The following AFAP1 variants were observed in gnomAD, a reference collection of about 807,000 sequenced individuals.
AFAP1 encodes actin filament-associated protein 1.
AFAP1 carries 75 observed loss-of-function variants against 93.9 expected under a neutral mutation model. The ratio of observed to expected loss-of-function variants is 0.80; its 90% confidence interval spans 0.66 to 0.97. The LOEUF (loss-of-function observed/expected upper bound fraction) is 0.97. Among genes scored for constraint, AFAP1 ranks in the 50% least tolerant of loss-of-function variants. AFAP1 has a pLI of 0.00. For synonymous variants in AFAP1, 517 were observed against 430.7 expected, an observed-to-expected ratio of 1.20 and a Z score of -2.48; for missense variants, 1,201 against 1,050.8, an observed-to-expected ratio of 1.14 and a Z score of -1.98.
intron 1 of AFAP1, among the ~76,000 whole-genome samples, chr4:7,891,571 A>C (rs1034656685): frequency 3.2e-4 from 48 of 152,122 alleles, no homozygotes; most frequent in African/African-American, 1.1e-3. Context: ...TCTGTTTTTC[A>C]TAAGGAAGAC....
intron 9 of AFAP1, among the ~76,000 whole-genome samples, chr4:7,807,109 G>A (rs1000948380): frequency 1.3e-5 from 2 of 152,152 alleles, no homozygotes; most frequent in East Asian, 3.8e-4. Context: ...GTAAATGGAC[G>A]GGTTTGGGCC....
chr4:7,809,806 G>A, intron 8 of AFAP1, 43 bp from the exon 9 acceptor site: 2 of 1,560,710 alleles, frequency 1.3e-6, no homozygotes, highest in Non-Finnish European at 1.7e-6. Flanking sequence ...TTTAATTGTA[G>A]ATATTAATTG....
intron 10 of AFAP1, chr4:7,798,931 A>G (rs370190029): frequency 1.0e-6 from 1 of 986,674 alleles, no homozygotes; most frequent in African/African-American, 1.7e-5. Flanking sequence ...TCTCCTTGCA[A>G]CCCTTCTCAG....
At chr4:7,912,162 C>T (rs186274064) in intron 1 of AFAP1, among the ~76,000 whole-genome samples, 4 of 152,250 alleles carry the variant, frequency 2.6e-5, no homozygotes, top group South Asian at 2.1e-4. Context: ...AAGTGGTATC[C>T]GGGACCTGGG....
chr4:7,923,642 C>G (rs1720555760), intron 1 of AFAP1, among the ~76,000 whole-genome samples: 2 of 152,240 alleles, frequency 1.3e-5, no homozygotes, highest in Admixed American at 1.3e-4. Flanking sequence ...CCACGCCCAA[C>G]TAATTTTTGT....
chr4:7,768,953 G>GTGTCACAGC lies in AFAP1; in HGVS notation c.2300_2308dup (p.Ser767_Asp769dup). 1 of 1,613,888 alleles carries GTGTCACAGC rather than the reference G, an allele frequency of 6.2e-7. No homozygotes were observed. Among genetic ancestry groups the GTGTCACAGC allele is most frequent in the Non-Finnish European group, 8.5e-7 (1 of 1,179,858 alleles). On this transcript the variant is annotated inframe_insertion, in exon 17 of 18. Transcript: ENST00000420658. ...CGGCACGGGGCCCTCGGTGTCACTG[G>GTGTCACAGC]TGTCACAGCTGGAGATGGGCGAGTT... is the stretch of plus-strand genomic sequence containing the variant.
chr4:7,833,592 T>TTC (rs1220291364), intron 6 of AFAP1, among the ~76,000 whole-genome samples: 3 of 148,864 alleles, frequency 2.0e-5, no homozygotes, highest in South Asian at 2.1e-4. Context: ...GAGATGTCTT[T>TTC]TTTTTTTTTT....
At chr4:7,900,953 T>C (rs1244305740) in intron 1 of AFAP1, among the ~76,000 whole-genome samples, 1 of 152,246 alleles carries the variant, frequency 6.6e-6, no homozygotes, top group East Asian at 1.9e-4. Context: ...CCTGTTTCTA[T>C]GTTCATCAAA....
chr4:7,861,765 T>C (rs1715731590), intron 3 of AFAP1, among the ~76,000 whole-genome samples: 2 of 152,254 alleles, frequency 1.3e-5, no homozygotes, highest in African/African-American at 4.8e-5. Flanking sequence ...GCCAAAACTC[T>C]GAGATTCCTC....
At chr4:7,815,435 T>G (rs1483867983) in intron 8 of AFAP1, among the ~76,000 whole-genome samples, 3 of 152,244 alleles carry the variant, frequency 2.0e-5, no homozygotes, top group Non-Finnish European at 4.4e-5. Flanking sequence ...ATAATGTACA[T>G]TTTTAAAAAT....
chr4:7,774,426 G>A (rs1715871439), intron 15 of AFAP1: 3 of 336,042 alleles, frequency 8.9e-6, no homozygotes, highest in Non-Finnish European at 1.6e-5. Flanking sequence ...GGATACAGGG[G>A]CCATCCTCCA....
At chr4:7,773,081 G>A (rs1193408651) in intron 15 of AFAP1, 71 bp from the exon 16 acceptor site, 1 of 1,516,216 alleles carries the variant, frequency 6.6e-7, no homozygotes, top group African/African-American at 1.4e-5. Context: ...AAGGCACCTG[G>A]TCCCCAAGAA....
At chr4:7,878,412 T>C (rs540592151) in intron 1 of AFAP1, among the ~76,000 whole-genome samples, 2 of 152,312 alleles carry the variant, frequency 1.3e-5, no homozygotes, top group African/African-American at 4.8e-5. Flanking sequence ...CTTCCCCTTA[T>C]ACCACCTCAG....
chr4:7,781,730 T>C lies in AFAP1; in HGVS notation c.1531-103A>G, dbSNP rs190829420. 213 of 1,438,786 alleles carry C rather than the reference T, an allele frequency of 1.5e-4. No homozygotes were observed. The African/African-American group carries it at 2.4e-3, about 17-fold the overall frequency. 89.1% of individuals were successfully genotyped at this position (1,438,786 alleles called of 1,614,324 possible). ...TTAATAGTACGGCATTTAGCATACATTGGCACCCCAACACTCTCCTGCACA... is the reference window on the plus strand; with the variant it reads ...TTAATAGTACGGCATTTAGCATACACTGGCACCCCAACACTCTCCTGCACA... On this transcript the variant is annotated intron_variant, in intron 12 of 17. Coordinates refer to ENST00000420658, the MANE Select transcript of AFAP1 (RefSeq NM_001134647.2).
chr4:7,781,597 A>C lies in AFAP1; in HGVS notation c.1561T>G (p.Cys521Gly). 1 of 1,551,854 alleles carries C rather than the reference A, an allele frequency of 6.4e-7. No individual in the cohort carries two copies. Among genetic ancestry groups the C allele is most frequent in the Non-Finnish European group, 8.7e-7 (1 of 1,147,032 alleles). ...WEPEDGFPAS[C>G]SRGLGEEVLY... ...ACCTCTTCTCCCAAGCCTCTGCTGC[A>C]GGAAGCAGGAAAGCCGTCTTCCGGT... The change falls in exon 13 of 18, where the codon TGC becomes GGC. Residue 521 changes from cysteine to glycine, a missense_variant. Cys to Gly is a radical substitution (Grantham distance 159). Coordinates refer to ENST00000420658, the MANE Select transcript of AFAP1 (RefSeq NM_001134647.2).
Position 7,838,514 on chromosome 4 carries a change from G to A in AFAP1, c.726+10C>T. 6.2e-7 allele frequency: 1 copy of A among 1,609,092 alleles called. No individual in the cohort carries two copies. ...ACTGAAATGGCTGTGAAACACAGCA[G>A]ACAACCTACCTTCAGCCACTGCTCG... On this transcript the variant is annotated intron_variant, in intron 6 of 17. Transcript: ENST00000420658.
chr4:7,847,793 C>CGG (rs10685949), intron 4 of AFAP1, among the ~76,000 whole-genome samples: 13,424 of 100,798 alleles, frequency 0.13, 1,498 homozygotes, highest in East Asian at 0.49. Flanking sequence ...CAGGGGTACT[C>CGG]GGGGTGGGGC....
intron 1 of AFAP1, among the ~76,000 whole-genome samples, chr4:7,874,433 G>A (rs558228302): frequency 2.7e-4 from 37 of 136,390 alleles, no homozygotes; most frequent in Non-Finnish European, 4.1e-4. Flanking sequence ...GTGCAATCTC[G>A]GCTCACTGCA....
At chr4:7,774,978 C>CA (rs570600214) in intron 14 of AFAP1, 75 bp from the exon 15 acceptor site, 13 of 1,531,328 alleles carry the variant, frequency 8.5e-6, no homozygotes, top group Non-Finnish European at 1.1e-5. Flanking sequence ...CCCTTCTCCA[C>CA]AAAAAATACA....
Sources: gnomAD v4.1 joint callset for allele counts (sites outside exome capture counted in the v4.1 genomes callset) on GRCh38, gnomAD v4.1.1 for gene constraint, MANE v1.5 for transcripts, NCBI Gene and HGNC (gene_info 2026-07-23, HGNC 2026-07-21) for gene names.